Variants in KIF26B observed in about 807,000 individuals in gnomAD.
KIF26B encodes the protein kinesin-like protein KIF26B.
Under a neutral mutation model 151.2 loss-of-function variants are expected in KIF26B, and 63 were observed. The observed-to-expected ratio is 0.42, with a 90% CI of 0.34 to 0.51. KIF26B has a LOEUF of 0.51. Among genes scored for constraint, KIF26B ranks in the 20% least tolerant of loss-of-function variants. The pLI is 0.07. For synonymous variants in KIF26B, 1,357 were observed against 1,262.1 expected, an observed-to-expected ratio of 1.08 and a Z score of -1.59; for missense variants, 2,813 against 2,913.6, an observed-to-expected ratio of 0.97 and a Z score of 0.79.
chr1:245,314,264 A>G (rs1671720466), intron 2 of KIF26B, among the ~76,000 whole-genome samples: 1 of 152,118 alleles, frequency 6.6e-6, no homozygotes, highest in South Asian at 2.1e-4. Context: ...CCTGGCCAAC[A>G]TGGTGAAACC....
chr1:245,242,849 A>G (rs556101464), intron 2 of KIF26B, among the ~76,000 whole-genome samples: 4 of 152,166 alleles, frequency 2.6e-5, no homozygotes, highest in Admixed American at 1.3e-4. Context: ...ACGGGGTTTC[A>G]CCATGTTGCT....
intron 5 of KIF26B, among the ~76,000 whole-genome samples, chr1:245,547,338 A>C (rs1371532584): frequency 1.3e-5 from 2 of 151,872 alleles, no homozygotes; most frequent in African/African-American, 2.4e-5. Flanking sequence ...TAATCCCAGC[A>C]CTTTGGGAGA....
intron 3 of KIF26B, among the ~76,000 whole-genome samples, chr1:245,380,770 C>T (rs181573076): frequency 0.014 from 2,073 of 152,080 alleles, 46 homozygotes; most frequent in African/African-American, 0.047. Flanking sequence ...GGTTACCCAC[C>T]GCACACACTC....
chr1:245,200,894 A>G (rs1028939822), intron 2 of KIF26B, among the ~76,000 whole-genome samples: 1 of 152,256 alleles, frequency 6.6e-6, no homozygotes, highest in Non-Finnish European at 1.5e-5. Context: ...GACGTTTTCC[A>G]AAGGGCGTGA....
intron 4 of KIF26B, among the ~76,000 whole-genome samples, chr1:245,521,068 T>C (rs542950762): frequency 6.6e-6 from 1 of 152,344 alleles, no homozygotes; most frequent in East Asian, 1.9e-4. Context: ...CTGGGCGTGG[T>C]GGCTCACGCC....
chr1:245,287,331 G>C (rs1318556931), intron 2 of KIF26B, among the ~76,000 whole-genome samples: 1 of 151,908 alleles, frequency 6.6e-6, no homozygotes, highest in Non-Finnish European at 1.5e-5. Flanking sequence ...CCATTAAAAA[G>C]CAGAATTTGA....
chr1:245,194,820 C>G (rs1326168454), intron 2 of KIF26B, among the ~76,000 whole-genome samples: 1 of 152,090 alleles, frequency 6.6e-6, no homozygotes, highest in African/African-American at 2.4e-5. Context: ...CTTCAAAAAG[C>G]CAAAATCTGT....
At chr1:245,212,560 G>A (rs1455190714) in intron 2 of KIF26B, among the ~76,000 whole-genome samples, 1 of 152,232 alleles carries the variant, frequency 6.6e-6, no homozygotes, top group Admixed American at 6.5e-5. Context: ...AATCCTACGG[G>A]TGAATGAGGC....
intron 2 of KIF26B, among the ~76,000 whole-genome samples, chr1:245,211,457 TGGC>T (rs1364717037): frequency 6.6e-6 from 1 of 152,182 alleles, no homozygotes; most frequent in East Asian, 1.9e-4. Context: ...TGGAGTGCGG[TGGC>T]CCAATCAGCT....
At chr1:245,485,739 C>T (rs1402458064) in intron 4 of KIF26B, among the ~76,000 whole-genome samples, 2 of 152,132 alleles carry the variant, frequency 1.3e-5, no homozygotes, top group African/African-American at 4.8e-5. Flanking sequence ...AACTCTTCTG[C>T]TTCTTATAAA....
rs753179778 is a variant in KIF26B at position 245,685,565 on chromosome 1, C to T, written c.2582C>T (p.Ser861Phe). 6.2e-7 allele frequency: 1 copy of T among 1,613,922 alleles called. No individual in the cohort carries two copies. The highest frequency in any genetic ancestry group is 8.5e-7 in the Non-Finnish European group (1 of 1,179,904). The change falls in exon 12 of 15, where the codon TCC becomes TTC. Residue 861 changes from serine to phenylalanine, a missense_variant. By Grantham distance (155) the Ser-to-Phe change is radical. Around this residue, in one of 3 missense-constraint regions of KIF26B, gnomAD observed 2,060 missense variants for 2,088.6 expected, o/e 0.99. Transcript: ENST00000407071. ...GACTACTCCTCCAGCAGCGAGCAGTCCTGCGACACCGTCATCTACATCGGG... is the reference window on the plus strand; with the variant it reads ...GACTACTCCTCCAGCAGCGAGCAGTTCTGCGACACCGTCATCTACATCGGG... ...DPDYSSSSEQ[S>F]CDTVIYIGPN...
intron 10 of KIF26B, among the ~76,000 whole-genome samples, chr1:245,647,713 G>T (rs1277678861): frequency 6.6e-6 from 1 of 152,190 alleles, no homozygotes; most frequent in African/African-American, 2.4e-5. Flanking sequence ...CACAATGAGT[G>T]CTGGAGTTTT....
chr1:245,362,774 A>G (rs959218068), intron 2 of KIF26B, among the ~76,000 whole-genome samples: 1 of 152,020 alleles, frequency 6.6e-6, no homozygotes. Flanking sequence ...GTGCTCCACC[A>G]CCTACGTGTC....
intron 2 of KIF26B, among the ~76,000 whole-genome samples, chr1:245,163,831 A>G (rs1668570567): frequency 6.6e-6 from 1 of 152,166 alleles, no homozygotes. Flanking sequence ...ATATTGATCT[A>G]CATGTTTTAT....
At chr1:245,291,218 G>A (rs1671248824) in intron 2 of KIF26B, among the ~76,000 whole-genome samples, 1 of 152,212 alleles carries the variant, frequency 6.6e-6, no homozygotes, top group African/African-American at 2.4e-5. Context: ...AAGGAAAACT[G>A]ACTTCTTTGA....
At chr1:245,303,244 G>A (rs11586675) in intron 2 of KIF26B, among the ~76,000 whole-genome samples, 17 of 139,820 alleles carry the variant, frequency 1.2e-4, no homozygotes, top group Non-Finnish European at 2.3e-4. Context: ...TGTCGCCCAG[G>A]CCGGAGTGCA....
At chr1:245,254,032 G>C (rs539702706) in intron 2 of KIF26B, among the ~76,000 whole-genome samples, 75 of 151,852 alleles carry the variant, frequency 4.9e-4, no homozygotes, top group African/African-American at 1.1e-3. Flanking sequence ...GGATGGTCTC[G>C]ATCTCCTGAC....
chr1:245,349,702 T>C (rs1447302300), intron 2 of KIF26B, among the ~76,000 whole-genome samples: 1 of 151,972 alleles, frequency 6.6e-6, no homozygotes, highest in Non-Finnish European at 1.5e-5. Flanking sequence ...TAACAATAAA[T>C]CAGGTTATAC....
chr1:245,331,112 G>T (rs999494282), intron 2 of KIF26B, among the ~76,000 whole-genome samples: 1 of 151,994 alleles, frequency 6.6e-6, no homozygotes, highest in Non-Finnish European at 1.5e-5. Context: ...GGGAGTCTGC[G>T]GTATGACGTA....
Sources: allele counts gnomAD v4.1 joint callset (sites outside exome capture counted in the v4.1 genomes callset), GRCh38; gene constraint gnomAD v4.1.1; regional missense constraint gnomAD v4.1.1; transcripts MANE v1.5; gene names NCBI Gene and HGNC (gene_info 2026-07-23, HGNC 2026-07-21).